PLCB4: variants seen among roughly 807,000 people sequenced by gnomAD.
PLCB4 encodes the protein 1-phosphatidylinositol 4,5-bisphosphate phosphodiesterase beta-4.
A neutral mutation model predicts 178.8 loss-of-function variants in PLCB4; 77 were observed. The ratio of observed to expected loss-of-function variants is 0.43; its 90% CI spans 0.36 to 0.52. The LOEUF (loss-of-function observed/expected upper bound fraction) is 0.52, where lower values mean the gene tolerates loss of function less well. PLCB4 is among the 20% of genes least tolerant of loss of function. The pLI is 0.00. For missense variants in PLCB4, 1,024 were observed against 1,453.4 expected, an observed-to-expected ratio of 0.70 and a Z score of 4.80; for synonymous variants, 496 against 490.8, an observed-to-expected ratio of 1.01 and a Z score of -0.14.
intron 2 of PLCB4, among the ~76,000 whole-genome samples, chr20:9,197,076 G>T (rs1023973312): frequency 6.6e-6 from 1 of 152,180 alleles, no homozygotes; most frequent in African/African-American, 2.4e-5. Flanking sequence ...CACATTAATG[G>T]GTGAAATGCC....
rs148347249 is a variant in PLCB4 at position 9,444,221 on chromosome 20, C to A, written c.2858C>A (p.Ser953Tyr). 2.8e-3 allele frequency: 4,431 copies of A among 1,600,878 alleles called. 18 individuals carry two copies. Among genetic ancestry groups the A allele is most frequent in the Middle Eastern group, 0.018 (106 of 6,028 alleles). ...AAGAAACAGCAGAAGGAGCTAAATT[C>A]TTTAAAGAAGAAACATGCAAAGGTA... is the stretch of plus-strand genomic sequence containing the variant. ...HLKKQQKELN[S>Y]LKKKHAKEHS... The change falls in exon 32 of 40, where the codon TCT becomes TAT. Residue 953 changes from serine (S) to tyrosine (Y), a missense_variant. Around this residue, in one of 7 missense-constraint regions of PLCB4, gnomAD observed 227 missense variants for 374.3 expected, o/e 0.61. Coordinates refer to ENST00000378473, the MANE Select transcript of PLCB4 (RefSeq NM_001377142.1).
intron 2 of PLCB4, among the ~76,000 whole-genome samples, chr20:9,192,528 C>CTTT (rs57026127): frequency 2.2e-5 from 3 of 135,338 alleles, no homozygotes; most frequent in Non-Finnish European, 3.2e-5. Context: ...ATTTTTTTTT[C>CTTT]TTTTTTTTTT....
At chr20:9,380,593 A>T (rs974808002) in intron 13 of PLCB4, among the ~76,000 whole-genome samples, 3 of 152,196 alleles carry the variant, frequency 2.0e-5, no homozygotes, top group Non-Finnish European at 4.4e-5. Context: ...AGTAACCCTC[A>T]TTTGACCTCT....
At chr20:9,372,924 TCAC>T in intron 11 of PLCB4, 120 bp from the exon 12 acceptor site, 1 of 517,096 alleles carries the variant, frequency 1.9e-6, no homozygotes, top group Non-Finnish European at 3.5e-6. Flanking sequence ...TTTTAAGAAT[TCAC>T]CACTACTTCA....
At chr20:9,295,254 A>G (rs1330286456) in intron 3 of PLCB4, among the ~76,000 whole-genome samples, 1 of 152,182 alleles carries the variant, frequency 6.6e-6, no homozygotes, top group African/African-American at 2.4e-5. Flanking sequence ...ATTGTTGCAT[A>G]TGGCTAGCAC....
chr20:9,477,039 A>G (rs1273397649), intron 39 of PLCB4, among the ~76,000 whole-genome samples: 1 of 152,208 alleles, frequency 6.6e-6, no homozygotes, highest in Non-Finnish European at 1.5e-5. Context: ...AGTGATGTGC[A>G]GCTGTCATTT....
chr20:9,297,119 A>C (rs1319887162), intron 3 of PLCB4, among the ~76,000 whole-genome samples: 1 of 152,070 alleles, frequency 6.6e-6, no homozygotes, highest in African/African-American at 2.4e-5. Context: ...AAACCCAGTT[A>C]GATTATATAT....
intron 2 of PLCB4, among the ~76,000 whole-genome samples, chr20:9,214,008 A>G (rs1016758970): frequency 2.6e-5 from 4 of 152,160 alleles, no homozygotes; most frequent in African/African-American, 9.7e-5. Flanking sequence ...TCCAGTTCTA[A>G]GAGTTCTTAC....
At chr20:9,198,605 A>G (rs901656977) in intron 2 of PLCB4, among the ~76,000 whole-genome samples, 1 of 152,248 alleles carries the variant, frequency 6.6e-6, no homozygotes, top group Non-Finnish European at 1.5e-5. Context: ...CTGAATGATC[A>G]CATGTAAGAT....
intron 4 of PLCB4, among the ~76,000 whole-genome samples, chr20:9,314,212 A>G (rs1371656796): frequency 6.6e-6 from 1 of 152,182 alleles, no homozygotes; most frequent in Non-Finnish European, 1.5e-5. Context: ...AGCCCAGGGC[A>G]TTGGCATTTG....
rs749173982 is a variant in PLCB4, at chr20:9,338,918, G to C, written c.250G>C (p.Glu84Gln). 6.2e-7 allele frequency: 1 copy of C among 1,613,292 alleles called. No individual in the cohort carries two copies. Among genetic ancestry groups the C allele is most frequent in the Non-Finnish European group, 8.5e-7 (1 of 1,179,594 alleles). ...PKDPKILAALEAVGKSENDLE... is the reference protein window; with the variant it reads ...PKDPKILAALQAVGKSENDLE... ...GGATCCCAAAATCTTGGCTGCTCTT[G>C]AAGCTGTTGGAAAATCAGAAAATGA... Residue 84 changes from glutamate to glutamine, a missense_variant, in exon 7 of 40, where the codon GAA (glutamate) becomes CAA (glutamine). Transcript: ENST00000378473.
chr20:9,303,840 A>G (rs1473418623), intron 3 of PLCB4, among the ~76,000 whole-genome samples: 1 of 152,172 alleles, frequency 6.6e-6, no homozygotes, highest in Non-Finnish European at 1.5e-5. Flanking sequence ...AAAGATATAT[A>G]CTTTTTATTT....
intron 2 of PLCB4, among the ~76,000 whole-genome samples, chr20:9,125,601 A>G (rs2092092337): frequency 6.6e-6 from 1 of 152,206 alleles, no homozygotes; most frequent in Non-Finnish European, 1.5e-5. Flanking sequence ...ACATGCATAT[A>G]TGAATAAGGG....
intron 3 of PLCB4, among the ~76,000 whole-genome samples, chr20:9,273,387 A>G (rs1442957807): frequency 2.6e-5 from 4 of 152,090 alleles, no homozygotes; most frequent in Non-Finnish European, 1.5e-5. Context: ...CGGAGAGGTT[A>G]AGTACTTGCT....
chr20:9,418,993 T>G lies in PLCB4; in HGVS notation c.2052-814T>G, dbSNP rs1442199451. Among the ~76,000 whole-genome samples the G allele has an allele frequency of 7.9e-5, 12 of 152,290 alleles. No homozygotes were observed. The South Asian group carries it at 2.5e-3, about 32-fold the overall frequency. On this transcript the variant is annotated intron_variant, in intron 25 of 39. Coordinates refer to ENST00000378473, the MANE Select transcript of PLCB4 (RefSeq NM_001377142.1). Reference sequence around the variant, plus strand: ...GTCATTGTATAGAAATACAATTGACTTTTTATATGTTTATCTGGTATCCTG... The same window carrying G: ...GTCATTGTATAGAAATACAATTGACGTTTTATATGTTTATCTGGTATCCTG...
intron 4 of PLCB4, among the ~76,000 whole-genome samples, chr20:9,319,086 C>T (rs1205976748): frequency 6.6e-6 from 1 of 152,180 alleles, no homozygotes; most frequent in Non-Finnish European, 1.5e-5. Context: ...TTTGGAATTG[C>T]ACTCTCTTAA....
chr20:9,266,695 A>C (rs773494718), intron 3 of PLCB4, among the ~76,000 whole-genome samples: 6 of 152,212 alleles, frequency 3.9e-5, no homozygotes, highest in African/African-American at 1.4e-4. Context: ...ACATTTTTAA[A>C]TTATTTTTTT....
At chr20:9,274,635 A>G (rs1233157374) in intron 3 of PLCB4, among the ~76,000 whole-genome samples, 3 of 152,102 alleles carry the variant, frequency 2.0e-5, no homozygotes, top group Non-Finnish European at 4.4e-5. Flanking sequence ...AGAGGAAAAT[A>G]TCTTCTGTCC....
At chr20:9,086,786 A>T (rs777222803) in intron 1 of PLCB4, among the ~76,000 whole-genome samples, 1 of 152,204 alleles carries the variant, frequency 6.6e-6, no homozygotes, top group Non-Finnish European at 1.5e-5. Context: ...CGAAAAGGAA[A>T]TTGGGAGAAG....
Sources: gnomAD v4.1 joint callset for allele counts (sites outside exome capture counted in the v4.1 genomes callset) on GRCh38, gnomAD v4.1.1 for gene constraint, gnomAD v4.1.1 regional missense constraint, MANE v1.5 for transcripts, NCBI Gene and HGNC (gene_info 2026-07-23, HGNC 2026-07-21) for gene names.